GRIA4: variants seen among roughly 807,000 people sequenced by gnomAD.
GRIA4 encodes the protein glutamate receptor 4.
GRIA4 carries 34 observed loss-of-function variants against 104.0 expected under a neutral mutation model. The ratio of observed to expected loss-of-function variants is 0.33; its 90% CI spans 0.25 to 0.44. The LOEUF (loss-of-function observed/expected upper bound fraction) is 0.44. Among genes scored for constraint, GRIA4 ranks in the 20% least tolerant of loss-of-function variants. The pLI, the probability that GRIA4 is intolerant of heterozygous loss-of-function variation, is 1.00. For missense variants in GRIA4, 750 were observed against 1,096.5 expected, an observed-to-expected ratio of 0.68 and a Z score of 4.46; for synonymous variants, 386 against 381.9, an observed-to-expected ratio of 1.01 and a Z score of -0.13.
chr11:105,817,623 G>T (rs1395180179), intron 4 of GRIA4, among the ~76,000 whole-genome samples: 1 of 151,676 alleles, frequency 6.6e-6, no homozygotes, highest in African/African-American at 2.4e-5. Context: ...TAAATGATAG[G>T]ATAAATTCCA....
chr11:105,859,854 C>CA (rs1478432309), intron 4 of GRIA4, among the ~76,000 whole-genome samples: 2 of 151,878 alleles, frequency 1.3e-5, no homozygotes, highest in Non-Finnish European at 2.9e-5. Flanking sequence ...TCATAGGTGT[C>CA]AAAAAAAGAT....
chr11:105,781,080 T>A lies in GRIA4; in HGVS notation c.487+27860T>A, dbSNP rs998749411. 4.6e-5 allele frequency among the ~76,000 whole-genome samples: 7 copies of A among 152,324 alleles called. No individual in the cohort carries two copies. The East Asian group carries it at 1.3e-3, about 29-fold the overall frequency. On this transcript the variant is annotated intron_variant, in intron 4 of 16. Coordinates refer to ENST00000282499, the MANE Select transcript of GRIA4 (RefSeq NM_000829.4). ...TAATGACTAGACTTTTAAATTAGTT[T>A]CAAAACTGATCCTACATTCAAACTG...
intron 3 of GRIA4, 101 bp downstream of exon 3, chr11:105,612,535 G>A: frequency 1.1e-6 from 1 of 901,672 alleles, no homozygotes; most frequent in Non-Finnish European, 1.7e-6. Flanking sequence ...AGAATTTCAA[G>A]ATTCCCACAG....
intron 14 of GRIA4, among the ~76,000 whole-genome samples, chr11:105,947,914 A>G (rs1000745083): frequency 6.6e-6 from 1 of 152,196 alleles, no homozygotes; most frequent in Admixed American, 6.5e-5. Flanking sequence ...GCAGCTTTGT[A>G]TCTTCACTTA....
At chr11:105,681,287 G>A (rs998380416) in intron 3 of GRIA4, among the ~76,000 whole-genome samples, 5 of 152,182 alleles carry the variant, frequency 3.3e-5, no homozygotes, top group African/African-American at 1.2e-4. Flanking sequence ...TAGCCACTGA[G>A]GGATGTGAGG....
intron 13 of GRIA4, among the ~76,000 whole-genome samples, chr11:105,932,988 C>CA (rs1313863034): frequency 6.6e-6 from 1 of 152,050 alleles, no homozygotes; most frequent in Non-Finnish European, 1.5e-5. Context: ...CCTGTAATCC[C>CA]AGCACTTTGG....
At chr11:105,620,709 C>A (rs1178371626) in intron 3 of GRIA4, among the ~76,000 whole-genome samples, 1 of 151,812 alleles carries the variant, frequency 6.6e-6, no homozygotes, top group Non-Finnish European at 1.5e-5. Flanking sequence ...ATGTCATAAA[C>A]ACAACCAAGT....
Position 105,612,353 on chromosome 11 carries a change from A to T in GRIA4, c.166A>T (p.Asn56Tyr), listed in dbSNP as rs1294901668. 1 of 1,614,058 alleles carries T rather than the reference A, an allele frequency of 6.2e-7. No homozygotes were observed. Among genetic ancestry groups the T allele is most frequent in the South Asian group, 1.1e-5 (1 of 91,084 alleles). The change falls in exon 3 of 17, where the codon AAT becomes TAT. Residue 56 changes from asparagine to tyrosine, a missense_variant. By Grantham distance (143) the Asn-to-Tyr change is moderately radical (BLOSUM62 -2). Around this residue, in one of 3 missense-constraint regions of GRIA4, gnomAD observed 410 missense variants for 502.7 expected, o/e 0.82. Coordinates refer to ENST00000282499, the MANE Select transcript of GRIA4 (RefSeq NM_000829.4). ...LAIFLHNTSP[N>Y]ASEAPFNLVP... is the part of the protein sequence containing the mutation. ...AATTTTTCTTCATAACACCAGCCCC[A>T]ATGCGTCGGAAGCTCCTTTTAATTT...
chr11:105,957,645 A>G (rs1459728666), intron 14 of GRIA4, among the ~76,000 whole-genome samples: 2 of 152,194 alleles, frequency 1.3e-5, no homozygotes, highest in Non-Finnish European at 2.9e-5. Flanking sequence ...CAGTTATGTG[A>G]AGAAAGCCAT....
intron 4 of GRIA4, among the ~76,000 whole-genome samples, chr11:105,821,974 C>T (rs771892541): frequency 5.3e-5 from 8 of 152,050 alleles, no homozygotes; most frequent in Non-Finnish European, 1.2e-4. Flanking sequence ...CTGCTGCGCT[C>T]GCCACGCAGG....
intron 4 of GRIA4, among the ~76,000 whole-genome samples, chr11:105,770,709 T>G (rs560700658): frequency 2.6e-5 from 4 of 152,214 alleles, no homozygotes; most frequent in Admixed American, 2.6e-4. Flanking sequence ...AGTTAAAACC[T>G]ACTTTTCCCC....
intron 4 of GRIA4, among the ~76,000 whole-genome samples, chr11:105,798,324 G>A (rs1261762172): frequency 6.6e-6 from 1 of 152,118 alleles, no homozygotes; most frequent in Non-Finnish European, 1.5e-5. Context: ...TTATTCCTGA[G>A]GACTTCTGTG....
intron 3 of GRIA4, among the ~76,000 whole-genome samples, chr11:105,687,754 G>A (rs558211839): frequency 6.6e-6 from 1 of 152,146 alleles, no homozygotes; most frequent in Admixed American, 6.5e-5. Flanking sequence ...AGAGAGCTCA[G>A]AGCTAGGCAG....
At chr11:105,621,889 C>T (rs1472841948) in intron 3 of GRIA4, among the ~76,000 whole-genome samples, 1 of 151,686 alleles carries the variant, frequency 6.6e-6, no homozygotes, top group African/African-American at 2.4e-5. Context: ...TTTACTTGTC[C>T]TGAAGGGTGA....
chr11:105,924,752 A>G lies in GRIA4; in HGVS notation c.1830A>G (p.Gly610=), dbSNP rs374666886. The change falls in exon 12 of 17, where the codon GGA becomes GGG. Residue 610 remains glycine (G), a synonymous_variant. Transcript: ENST00000282499. Reference sequence around the variant, plus strand: ...CCCTGGGTGCTTTTATGCAGCAAGGATGTGACATTTCACCCAGGTTAGTTT... The same window carrying G: ...CCCTGGGTGCTTTTATGCAGCAAGGGTGTGACATTTCACCCAGGTTAGTTT... ...WFSLGAFMQQ[G]CDISPRSLSG... 6.2e-7 allele frequency: 1 copy of G among 1,605,738 alleles called. No individual in the cohort carries two copies. The highest frequency in any genetic ancestry group is 1.3e-5 in the African/African-American group (1 of 74,514).
In GRIA4 at chr11:105,898,277, G is replaced by T; in HGVS notation, c.735G>T (p.Lys245Asn). The T allele has an allele frequency of 6.5e-7, 1 of 1,535,720 alleles. No homozygotes were observed. The highest frequency in any genetic ancestry group is 9.0e-7 in the Non-Finnish European group (1 of 1,114,432). Residue 245 changes from lysine (K) to asparagine (N), a missense_variant, in exon 7 of 17, where the codon AAG (lysine) becomes AAT (asparagine). Physicochemically the swap from Lys to Asn is moderately conservative, Grantham distance 94. Around this residue, in one of 3 missense-constraint regions of GRIA4, gnomAD observed 410 missense variants for 502.7 expected, o/e 0.82. Transcript: ENST00000282499. The stretch of plus-strand genomic sequence containing the variant: ...TGTATTAATTTTTATAGGGATTCAA[G>T]GATATTTCTCTTGAGAGGTTTATAC... ...YHYIIANLGF[K>N]DISLERFIHG...
chr11:105,653,061 G>A (rs1021324253), intron 3 of GRIA4, among the ~76,000 whole-genome samples: 2 of 151,974 alleles, frequency 1.3e-5, no homozygotes, highest in East Asian at 1.9e-4. Flanking sequence ...ACAGGCACAC[G>A]CCACCACACC....
chr11:105,750,250 C>G (rs2135685462), intron 3 of GRIA4, among the ~76,000 whole-genome samples: 1 of 152,184 alleles, frequency 6.6e-6, no homozygotes, highest in South Asian at 2.1e-4. Context: ...AACATAATAA[C>G]ATTGAATATT....
Position 105,924,558 on chromosome 11 carries a change from G to A in GRIA4, c.1636G>A (p.Glu546Lys). ...VFSFLDPLAYEIWMCIVFAYI... is the reference protein window; with the variant it reads ...VFSFLDPLAYKIWMCIVFAYI... ...TTCCTTCTTGGATCCTCTGGCCTAT[G>A]AGATTTGGATGTGCATAGTCTTTGC... The change falls in exon 12 of 17, where the codon GAG becomes AAG. Residue 546 changes from glutamate (E) to lysine (K), a missense_variant. Physicochemically the swap from Glu to Lys is moderately conservative, Grantham distance 56 (BLOSUM62 1). This residue lies in a region of GRIA4 where 272 missense variants were observed against 524.5 expected (regional missense o/e 0.52). Transcript: ENST00000282499. The A allele has an allele frequency of 6.2e-7, 1 of 1,613,236 alleles. No homozygotes were observed. The highest frequency in any genetic ancestry group is 2.2e-5 in the East Asian group (1 of 44,862).
Sources: gnomAD v4.1 joint callset for allele counts (sites outside exome capture counted in the v4.1 genomes callset) on GRCh38, gnomAD v4.1.1 for gene constraint, gnomAD v4.1.1 regional missense constraint, MANE v1.5 for transcripts, NCBI Gene and HGNC (gene_info 2026-07-23, HGNC 2026-07-21) for gene names.